Variants in RBFOX1 observed in about 807,000 individuals in gnomAD.
RBFOX1 encodes the protein RNA binding protein fox-1 homolog 1.
RBFOX1 carries 8 observed loss-of-function variants against 57.7 expected under a neutral mutation model. The observed-to-expected ratio is 0.14, with a 90% CI of 0.08 to 0.25. The LOEUF (loss-of-function observed/expected upper bound fraction) is 0.25. Among genes scored for constraint, RBFOX1 ranks in the 10% least tolerant of loss-of-function variants. The pLI, the probability that RBFOX1 is intolerant of heterozygous loss-of-function variation, is 1.00. For missense variants in RBFOX1, 611 were observed against 548.5 expected, an observed-to-expected ratio of 1.11 and a Z score of -1.14; for synonymous variants, 326 against 222.4, an observed-to-expected ratio of 1.47 and a Z score of -4.15.
intron 1 of RBFOX1, among the ~76,000 whole-genome samples, chr16:5,430,736 A>G (rs542210538): frequency 5.3e-5 from 8 of 152,368 alleles, no homozygotes; most frequent in Admixed American, 5.2e-4. Context: ...TGATCAGACC[A>G]GACGCCTCAT....
intron 3 of RBFOX1, among the ~76,000 whole-genome samples, chr16:6,681,198 G>C (rs1321146981): frequency 6.6e-6 from 1 of 152,144 alleles, no homozygotes; most frequent in African/African-American, 2.4e-5. Flanking sequence ...TGTAGTCCCA[G>C]TTACTTGGGA....
At chr16:6,381,731 A>G (rs1240918866) in intron 2 of RBFOX1, among the ~76,000 whole-genome samples, 1 of 152,194 alleles carries the variant, frequency 6.6e-6, no homozygotes, top group Non-Finnish European at 1.5e-5. Flanking sequence ...CATTGGGCCG[A>G]TGTATGCCTG....
chr16:5,586,203 G>C (rs868310192), intron 2 of RBFOX1, among the ~76,000 whole-genome samples: 1 of 152,106 alleles, frequency 6.6e-6, no homozygotes. Flanking sequence ...CTTCTAGAAG[G>C]AGCCAGCCCT....
chr16:5,458,509 A>T (rs1358219130), intron 1 of RBFOX1, among the ~76,000 whole-genome samples: 1 of 152,218 alleles, frequency 6.6e-6, no homozygotes, highest in African/African-American at 2.4e-5. Flanking sequence ...CTCATTAGAG[A>T]TAAATGAATC....
At chr16:5,805,961 C>A (rs936375866) in intron 3 of RBFOX1, among the ~76,000 whole-genome samples, 1 of 152,158 alleles carries the variant, frequency 6.6e-6, no homozygotes, top group Admixed American at 6.5e-5. Context: ...TGCATAGATC[C>A]TAGCACAGTG....
At chr16:7,313,562 G>A (rs1401466376) in intron 4 of RBFOX1, among the ~76,000 whole-genome samples, 5 of 149,538 alleles carry the variant, frequency 3.3e-5, no homozygotes. Flanking sequence ...AGACCATTTA[G>A]GTAACGAGAT....
At chr16:6,112,060 T>G (rs2096452942) in intron 1 of RBFOX1, among the ~76,000 whole-genome samples, 1 of 152,158 alleles carries the variant, frequency 6.6e-6, no homozygotes, top group East Asian at 1.9e-4. Context: ...AATGAAGTAT[T>G]TCACATGAAA....
intron 4 of RBFOX1, among the ~76,000 whole-genome samples, chr16:7,098,459 T>G (rs1463149452): frequency 6.6e-6 from 1 of 152,108 alleles, no homozygotes; most frequent in Non-Finnish European, 1.5e-5. Flanking sequence ...CATGAGCTAC[T>G]GTGCCAGGTA....
At chr16:6,596,863 G>A (rs1357363992) in intron 2 of RBFOX1, among the ~76,000 whole-genome samples, 5 of 152,092 alleles carry the variant, frequency 3.3e-5, no homozygotes, top group East Asian at 1.9e-4. Context: ...GTGCTATATC[G>A]AGATAGAGAA....
chr16:6,308,013 A>G (rs1247583464), intron 1 of RBFOX1, among the ~76,000 whole-genome samples: 4 of 150,154 alleles, frequency 2.7e-5, no homozygotes, highest in Admixed American at 6.6e-5. Context: ...ACATATTTTT[A>G]TAAATGATAT....
intron 4 of RBFOX1, among the ~76,000 whole-genome samples, chr16:7,249,989 C>T (rs377393207): frequency 4.6e-5 from 7 of 152,186 alleles, no homozygotes; most frequent in African/African-American, 1.7e-4. Context: ...ATTATAAAAT[C>T]CTTTCCAATT....
chr16:5,492,196 ACTC>A (rs1246303831), intron 2 of RBFOX1, among the ~76,000 whole-genome samples: 1 of 151,750 alleles, frequency 6.6e-6, no homozygotes, highest in Non-Finnish European at 1.5e-5. Context: ...TGAACTACCT[ACTC>A]CTCTCTGCAG....
chr16:7,236,714 C>G (rs908232306), intron 4 of RBFOX1, among the ~76,000 whole-genome samples: 1 of 152,018 alleles, frequency 6.6e-6, no homozygotes, highest in Non-Finnish European at 1.5e-5. Flanking sequence ...AATTTCTAAG[C>G]CACTGCAAGC....
intron 1 of RBFOX1, among the ~76,000 whole-genome samples, chr16:6,271,003 G>A (rs2075145054): frequency 6.6e-6 from 1 of 152,204 alleles, no homozygotes; most frequent in Admixed American, 6.5e-5. Context: ...CAGAATGAAT[G>A]TGGAAATACA....
At chr16:6,353,493 T>C (rs1389542320) in intron 2 of RBFOX1, among the ~76,000 whole-genome samples, 1 of 151,958 alleles carries the variant, frequency 6.6e-6, no homozygotes, top group Non-Finnish European at 1.5e-5. Flanking sequence ...CCCTTTTAAG[T>C]GTAGGGCATG....
intron 3 of RBFOX1, among the ~76,000 whole-genome samples, chr16:5,661,170 C>G (rs765350926): frequency 2.0e-5 from 3 of 152,188 alleles, no homozygotes; most frequent in Non-Finnish European, 4.4e-5. Context: ...AAAGTTGAAT[C>G]TACTTTCCCA....
chr16:5,710,388 C>G (rs900233033), intron 3 of RBFOX1, among the ~76,000 whole-genome samples: 5 of 152,162 alleles, frequency 3.3e-5, no homozygotes, highest in African/African-American at 1.2e-4. Flanking sequence ...TGACATGGGT[C>G]TCTTCATTTG....
At chr16:6,484,587 C>T (rs936508727) in intron 2 of RBFOX1, among the ~76,000 whole-genome samples, 2 of 152,118 alleles carry the variant, frequency 1.3e-5, no homozygotes, top group Admixed American at 6.5e-5. Flanking sequence ...AATGTGACAT[C>T]CATCAGTCTA....
At chr16:7,307,519 G>A (rs891734892) in intron 4 of RBFOX1, among the ~76,000 whole-genome samples, 5 of 152,174 alleles carry the variant, frequency 3.3e-5, no homozygotes, top group South Asian at 2.1e-4. Context: ...GACTTATCCT[G>A]TTTCACTTAT....
Sources: gnomAD v4.1 joint callset for allele counts (sites outside exome capture counted in the v4.1 genomes callset) on GRCh38, gnomAD v4.1.1 for gene constraint, MANE v1.5 for transcripts, NCBI Gene and HGNC (gene_info 2026-07-23, HGNC 2026-07-21) for gene names.